The following TMEM117 variants were observed in gnomAD, a reference collection of about 807,000 sequenced individuals.
TMEM117 encodes the protein transmembrane protein 117.
Under a neutral mutation model 52.4 loss-of-function variants are expected in TMEM117, and 27 were observed. The ratio of observed to expected loss-of-function variants is 0.51; its 90% CI spans 0.38 to 0.71. TMEM117 has a LOEUF of 0.71. TMEM117 is among the 30% of genes least tolerant of loss of function. The pLI is 0.00. For missense variants in TMEM117, 556 were observed against 630.5 expected (o/e 0.88, Z 1.26); for synonymous variants, 215 against 206.3 (o/e 1.04, Z -0.36).
chr12:43,805,606 A>T, the TMEM117 span: 2 of 476,236 alleles, frequency 4.2e-6, no homozygotes, highest in African/African-American at 2.0e-5. Context: ...CATTACATGC[A>T]ACCATACAGA....
intron 3 of TMEM117, among the ~76,000 whole-genome samples, chr12:44,140,886 C>G (rs1701893367): frequency 6.6e-6 from 1 of 152,086 alleles, no homozygotes. Context: ...GTCTTTTAGT[C>G]TCCTTCCTGT....
intron 2 of TMEM117, among the ~76,000 whole-genome samples, chr12:43,848,648 CAT>C (rs201794990): frequency 0.015 from 2,350 of 151,976 alleles, 66 homozygotes; most frequent in African/African-American, 0.051. Flanking sequence ...TTCAAACACA[CAT>C]GTTTCACAAT....
At chr12:44,387,566 A>G (rs1952106186) in intron 7 of TMEM117, among the ~76,000 whole-genome samples, 2 of 152,160 alleles carry the variant, frequency 1.3e-5, no homozygotes, top group Admixed American at 6.6e-5. Flanking sequence ...TTAATTTGAT[A>G]TACTGCTGTG....
chr12:43,950,711 C>G (rs1053801535), intron 3 of TMEM117, among the ~76,000 whole-genome samples: 1 of 152,142 alleles, frequency 6.6e-6, no homozygotes, highest in Non-Finnish European at 1.5e-5. Context: ...AGCATGTGCA[C>G]TAACAGACAA....
chr12:43,998,783 C>G (rs921009218), intron 3 of TMEM117, among the ~76,000 whole-genome samples: 3 of 152,074 alleles, frequency 2.0e-5, no homozygotes, highest in African/African-American at 7.2e-5. Context: ...AGTGAAACAG[C>G]AAGCCAGGAA....
At chr12:44,262,748 G>C (rs1042607961) in intron 5 of TMEM117, among the ~76,000 whole-genome samples, 1 of 152,056 alleles carries the variant, frequency 6.6e-6, no homozygotes, top group Non-Finnish European at 1.5e-5. Flanking sequence ...CACCACGCCC[G>C]GCTAATATTT....
At chr12:43,830,262 A>G in the TMEM117 span, among the ~76,000 whole-genome samples, 2 of 152,010 alleles carry the variant, frequency 1.3e-5, no homozygotes, top group East Asian at 3.9e-4. Flanking sequence ...TAACAGCTGT[A>G]TTTCTGGTGT....
intron 2 of TMEM117, among the ~76,000 whole-genome samples, chr12:43,863,082 C>A (rs1943518409): frequency 6.6e-6 from 1 of 152,100 alleles, no homozygotes; most frequent in Non-Finnish European, 1.5e-5. Context: ...CCTGTCTCTA[C>A]TGAAATACAG....
chr12:44,100,860 TCCAACC>T, intron 3 of TMEM117, among the ~76,000 whole-genome samples: 1 of 122,430 alleles, frequency 8.2e-6, no homozygotes, highest in Non-Finnish European at 1.8e-5. Flanking sequence ...CTACTGCTTG[TCCAACC>T]GTCAGTTTGG....
intron 4 of TMEM117, among the ~76,000 whole-genome samples, chr12:44,174,206 T>C (rs1262910271): frequency 6.6e-6 from 1 of 152,232 alleles, no homozygotes; most frequent in African/African-American, 2.4e-5. Flanking sequence ...CATGTGGACA[T>C]TTAATGAAGA....
chr12:43,882,098 A>G (rs527748711), intron 2 of TMEM117, among the ~76,000 whole-genome samples: 2 of 152,138 alleles, frequency 1.3e-5, no homozygotes, highest in African/African-American at 4.8e-5. Context: ...CTAAAAAACA[A>G]CAACAACAAC....
At chr12:43,880,341 C>T (rs569018768) in intron 2 of TMEM117, among the ~76,000 whole-genome samples, 3 of 152,152 alleles carry the variant, frequency 2.0e-5, no homozygotes, top group Admixed American at 2.0e-4. Context: ...AACCATGTTA[C>T]ATGGTTACAT....
At chr12:44,256,935 A>G (rs190186337) in intron 5 of TMEM117, among the ~76,000 whole-genome samples, 25 of 151,452 alleles carry the variant, frequency 1.7e-4, no homozygotes, top group Admixed American at 1.4e-3. Context: ...TATATGTTCT[A>G]TGGTTACTGC....
chr12:44,355,083 A>G (rs540490844), intron 6 of TMEM117, among the ~76,000 whole-genome samples: 39 of 152,140 alleles, frequency 2.6e-4, no homozygotes, highest in African/African-American at 7.2e-4. Flanking sequence ...TGTTTTTATT[A>G]TTATTTCCAA....
At chr12:43,813,231 G>GCTTTT in the TMEM117 span, among the ~76,000 whole-genome samples, 59 of 62,618 alleles carry the variant, frequency 9.4e-4, no homozygotes, top group African/African-American at 3.3e-3. Context: ...GTTTTCTCTT[G>GCTTTT]TTTTTTTTTT....
intron 2 of TMEM117, among the ~76,000 whole-genome samples, chr12:43,889,477 C>T (rs973220535): frequency 3.3e-5 from 5 of 152,220 alleles, no homozygotes; most frequent in African/African-American, 1.2e-4. Flanking sequence ...TGCCACTGAT[C>T]TGACAGGAGG....
chr12:44,101,493 T>C (rs1288878799), intron 3 of TMEM117, among the ~76,000 whole-genome samples: 1 of 151,928 alleles, frequency 6.6e-6, no homozygotes, highest in African/African-American at 2.4e-5. Flanking sequence ...GACTCATCAC[T>C]TCTCACCTGG....
chr12:43,995,791 C>T (rs910622849), intron 3 of TMEM117, among the ~76,000 whole-genome samples: 1 of 152,070 alleles, frequency 6.6e-6, no homozygotes, highest in African/African-American at 2.4e-5. Context: ...CCCACATTAC[C>T]AAAACAATAA....
chr12:43,844,962 T>G (rs1317474905), intron 2 of TMEM117, 34 bp downstream of exon 2: 1 of 1,566,434 alleles, frequency 6.4e-7, no homozygotes, highest in Admixed American at 2.1e-5. Context: ...GTAATATCAC[T>G]AATTATTTAA....
Sources: allele counts gnomAD v4.1 joint callset (sites outside exome capture counted in the v4.1 genomes callset), GRCh38; gene constraint gnomAD v4.1.1; transcripts MANE v1.5; gene names NCBI Gene and HGNC (gene_info 2026-07-23, HGNC 2026-07-21).